Variants in LIPK observed in about 807,000 individuals in gnomAD.
LIPK encodes the protein lipase family member K.
In LIPK, 32 loss-of-function variants were observed where a neutral mutation model predicts 48.6. The ratio of observed to expected loss-of-function variants is 0.66; its 90% CI spans 0.50 to 0.88. The LOEUF is 0.88. LIPK is among the 40% of genes least tolerant of loss of function. The pLI is 0.00. For missense variants in LIPK, 507 were observed against 478.5 expected (o/e 1.06, Z -0.56); for synonymous variants, 164 against 157.4 (o/e 1.04, Z -0.32).
intron 8 of LIPK, among the ~76,000 whole-genome samples, chr10:88,742,273 AG>A (rs1407550921): frequency 2.0e-5 from 3 of 152,212 alleles, no homozygotes; most frequent in African/African-American, 7.2e-5. Flanking sequence ...TTGATCCTAG[AG>A]CCCAAGTTCC....
At chr10:88,726,772 T>C (rs1200856545) in intron 2 of LIPK, 23 bp from the exon 3 acceptor site, 3 of 1,073,926 alleles carry the variant, frequency 2.8e-6, no homozygotes, top group Non-Finnish European at 4.3e-6. Context: ...CATGAAGGTA[T>C]ATATTTCCTT....
chr10:88,735,544 T>A (rs1842554595), intron 6 of LIPK, among the ~76,000 whole-genome samples: 1 of 152,268 alleles, frequency 6.6e-6, no homozygotes, highest in African/African-American at 2.4e-5. Flanking sequence ...ACTTTTTCAA[T>A]GCCAACCTGA....
At chr10:88,717,836 A>G (rs1323119479) in intron 1 of LIPK, among the ~76,000 whole-genome samples, 1 of 152,130 alleles carries the variant, frequency 6.6e-6, no homozygotes, top group East Asian at 1.9e-4. Flanking sequence ...TAAGATAAGA[A>G]GTGAAAAAAC....
intron 2 of LIPK, among the ~76,000 whole-genome samples, chr10:88,725,318 T>C (rs1564979234): frequency 6.6e-6 from 1 of 152,228 alleles, no homozygotes; most frequent in African/African-American, 2.4e-5. Flanking sequence ...CCTACCAAAC[T>C]GTTGAACTCA....
At chr10:88,728,650 T>TG in intron 3 of LIPK, 4 of 488,314 alleles carry the variant, frequency 8.2e-6, no homozygotes, top group South Asian at 6.1e-5. Context: ...AGGAAGCTGC[T>TG]GGAGGGCGAG....
intron 8 of LIPK, among the ~76,000 whole-genome samples, chr10:88,741,161 C>A (rs1431179023): frequency 6.6e-6 from 1 of 152,126 alleles, no homozygotes; most frequent in Admixed American, 6.5e-5. Context: ...TTAGTAAAGG[C>A]ATTGATATCC....
At chr10:88,736,589 A>G (rs1842576166) in intron 6 of LIPK, among the ~76,000 whole-genome samples, 1 of 152,230 alleles carries the variant, frequency 6.6e-6, no homozygotes, top group South Asian at 2.1e-4. Context: ...TAACCGGTAA[A>G]CAAATTTATT....
chr10:88,724,486 C>A (rs376036), intron 1 of LIPK, 47 bp from the exon 2 acceptor site: 3 of 1,148,202 alleles, frequency 2.6e-6, no homozygotes, highest in African/African-American at 1.6e-5. Flanking sequence ...AATTTCACTT[C>A]GTAGAATTTA....
rs768907375 is a variant in LIPK, at chr10:88,737,625, T to G, written c.670-10T>G. 14 of 1,611,686 alleles carry G rather than the reference T, an allele frequency of 8.7e-6. No individual in the cohort carries two copies. Among genetic ancestry groups the G allele is most frequent in the Non-Finnish European group, 1.1e-5 (13 of 1,178,708 alleles). On this transcript the variant is annotated splice_polypyrimidine_tract_variant and intron_variant, in intron 6 of 9. Transcript: ENST00000404190. ...TGTAAGATTTGATGGTGTTTTAAATTATCTTGTAGGTGTTGTTTGGTGACA... is the reference window on the plus strand; with the variant it reads ...TGTAAGATTTGATGGTGTTTTAAATGATCTTGTAGGTGTTGTTTGGTGACA...
chr10:88,742,216 G>A (rs949067075), intron 8 of LIPK, among the ~76,000 whole-genome samples: 1 of 152,196 alleles, frequency 6.6e-6, no homozygotes, highest in South Asian at 2.1e-4. Flanking sequence ...GTTACAATTA[G>A]AGATGAGATT....
chr10:88,751,322 T>C (rs1395545463), intron 9 of LIPK, among the ~76,000 whole-genome samples: 1 of 152,182 alleles, frequency 6.6e-6, no homozygotes, highest in East Asian at 1.9e-4. Context: ...TCATGAATGA[T>C]ACTTGGGTTT....
chr10:88,730,756 A>G (rs1437720178), intron 3 of LIPK, among the ~76,000 whole-genome samples: 3 of 152,228 alleles, frequency 2.0e-5, no homozygotes, highest in Non-Finnish European at 4.4e-5. Flanking sequence ...CCACACTTAC[A>G]TAATACAATA....
chr10:88,710,356 C>T (rs1048676136), intron 1 of LIPK, among the ~76,000 whole-genome samples: 6 of 152,086 alleles, frequency 3.9e-5, no homozygotes, highest in Non-Finnish European at 7.4e-5. Flanking sequence ...ATAAGTTTTA[C>T]TAGTTTACAC....
At chr10:88,714,802 T>C (rs1476273738) in intron 1 of LIPK, among the ~76,000 whole-genome samples, 2 of 152,084 alleles carry the variant, frequency 1.3e-5, no homozygotes, top group African/African-American at 4.8e-5. Flanking sequence ...TTGATTTTTA[T>C]TAATTTTTTC....
At chr10:88,734,988 C>G (rs985765205) in intron 6 of LIPK, among the ~76,000 whole-genome samples, 1 of 152,142 alleles carries the variant, frequency 6.6e-6, no homozygotes, top group Non-Finnish European at 1.5e-5. Flanking sequence ...ATTAGCACTT[C>G]CTTTTCATTG....
In LIPK at chr10:88,718,747, G is replaced by A. The variant is rs79510365; in HGVS notation, c.-11-5786G>A. Among the ~76,000 whole-genome samples the A allele has an allele frequency of 5.3e-3, 800 of 152,104 alleles. 8 individuals are homozygous for A. The highest frequency in any genetic ancestry group is 0.024 in the Middle Eastern group (7 of 294). Reference sequence around the variant, plus strand: ...TAAATTGACATTTACGTTTGCTAGCGATGGAAAAATAATGATTATAATGAT... The same window carrying A: ...TAAATTGACATTTACGTTTGCTAGCAATGGAAAAATAATGATTATAATGAT... On this transcript the variant is annotated intron_variant, in intron 1 of 9. Transcript: ENST00000404190.
intron 5 of LIPK, 43 bp downstream of exon 5, chr10:88,732,330 T>A (rs1194107929): frequency 6.3e-7 from 1 of 1,595,578 alleles, no homozygotes. Flanking sequence ...CAGGGGCTCT[T>A]CTTCCATATG....
chr10:88,742,789 G>A (rs1761072678), intron 8 of LIPK, among the ~76,000 whole-genome samples: 1 of 152,076 alleles, frequency 6.6e-6, no homozygotes, highest in Non-Finnish European at 1.5e-5. Flanking sequence ...TAAGGATAGG[G>A]AATATAATCA....
chr10:88,719,848 C>T (rs1842188557), intron 1 of LIPK, among the ~76,000 whole-genome samples: 1 of 152,160 alleles, frequency 6.6e-6, no homozygotes, highest in African/African-American at 2.4e-5. Flanking sequence ...TCTATTACTT[C>T]TGATATTCTT....
Sources: gnomAD v4.1 joint callset for allele counts (sites outside exome capture counted in the v4.1 genomes callset) on GRCh38, gnomAD v4.1.1 for gene constraint, MANE v1.5 for transcripts, NCBI Gene and HGNC (gene_info 2026-07-23, HGNC 2026-07-21) for gene names.